Variants in SVOP observed in about 807,000 individuals in gnomAD.
SVOP encodes the protein synaptic vesicle 2-related protein.
SVOP carries 17 observed loss-of-function variants against 69.1 expected under a neutral mutation model. That is an observed-to-expected ratio of 0.25 (90% CI 0.17 to 0.37). The LOEUF is 0.37. Among genes scored for constraint, SVOP ranks in the 10% least tolerant of loss-of-function variants. The pLI, the probability that SVOP is intolerant of heterozygous loss-of-function variation, is 1.00. For missense variants in SVOP, 435 were observed against 597.5 expected, an observed-to-expected ratio of 0.73 and a Z score of 2.84; for synonymous variants, 238 against 238.6, an observed-to-expected ratio of 1.00 and a Z score of 0.02.
chr12:108,969,313 C>T lies in SVOP; in HGVS notation c.453+3092G>A, dbSNP rs142939591. Among the ~76,000 whole-genome samples the T allele has an allele frequency of 8.0e-3, 1,194 of 148,964 alleles. 18 individuals carry two copies. Among genetic ancestry groups the T allele is most frequent in the African/African-American group, 0.028 (1,149 of 40,378 alleles). Reference sequence around the variant, plus strand: ...CTCACTCTCTCTCCCTACCTCCTTCCTTTCTTCCTCCCCCCTCCCTTCCTA... The same window carrying T: ...CTCACTCTCTCTCCCTACCTCCTTCTTTTCTTCCTCCCCCCTCCCTTCCTA... On this transcript the variant is annotated intron_variant, in intron 5 of 15. Coordinates refer to ENST00000610966, the MANE Select transcript of SVOP (RefSeq NM_018711.5).
chr12:108,982,832 G>C (rs1263438030), intron 2 of SVOP, among the ~76,000 whole-genome samples: 1 of 38,432 alleles, frequency 2.6e-5, no homozygotes, highest in Non-Finnish European at 5.0e-5. Context: ...CATCATCACT[G>C]TCACCATCAT....
intron 6 of SVOP, among the ~76,000 whole-genome samples, chr12:108,958,612 C>T (rs930512957): frequency 1.3e-5 from 2 of 152,178 alleles, no homozygotes; most frequent in African/African-American, 4.8e-5. Flanking sequence ...CAAGTGGGTC[C>T]ACCCTGGACT....
chr12:108,927,008 G>A (rs1285017228), intron 11 of SVOP, among the ~76,000 whole-genome samples: 1 of 152,162 alleles, frequency 6.6e-6, no homozygotes. Context: ...AAGATAAAAT[G>A]TCTCTCTCCA....
chr12:108,919,627 C>T (rs755624236), intron 13 of SVOP, 48 bp downstream of exon 13: 5 of 1,481,674 alleles, frequency 3.4e-6, no homozygotes, highest in African/African-American at 2.8e-5. Context: ...CCTGCACCCA[C>T]ACCTCCACCT....
At chr12:108,940,674 A>T in intron 8 of SVOP, 110 bp downstream of exon 8, 1 of 1,437,690 alleles carries the variant, frequency 7.0e-7, no homozygotes, top group Non-Finnish European at 9.2e-7. Context: ...TTTAAAAAAA[A>T]TAATCTTGAA....
intron 9 of SVOP, among the ~76,000 whole-genome samples, chr12:108,938,083 A>G (rs2039867230): frequency 6.6e-6 from 1 of 152,344 alleles, no homozygotes; most frequent in South Asian, 2.1e-4. Flanking sequence ...CCTGGACTCT[A>G]TGTTGTCAGA....
chr12:108,964,320 C>T (rs2040033310), intron 5 of SVOP, among the ~76,000 whole-genome samples: 2 of 152,090 alleles, frequency 1.3e-5, no homozygotes, highest in African/African-American at 4.8e-5. Flanking sequence ...ACTCCTAAAT[C>T]CATGACTGTA....
intron 12 of SVOP, among the ~76,000 whole-genome samples, chr12:108,920,880 A>G (rs1407982948): frequency 6.6e-6 from 1 of 152,168 alleles, no homozygotes; most frequent in Non-Finnish European, 1.5e-5. Context: ...TACAGGCATG[A>G]GCCACCATGC....
chr12:109,005,975 G>A (rs1182033320), intron 1 of SVOP, among the ~76,000 whole-genome samples: 1 of 152,210 alleles, frequency 6.6e-6, no homozygotes, highest in Non-Finnish European at 1.5e-5. Flanking sequence ...AAGATGATCA[G>A]AGTTGAGTTT....
At chr12:108,948,690 G>A (rs2039937913) in intron 6 of SVOP, among the ~76,000 whole-genome samples, 1 of 152,034 alleles carries the variant, frequency 6.6e-6, no homozygotes, top group African/African-American at 2.4e-5. Context: ...TGAGTCAGAG[G>A]GTATGCCTGT....
At chr12:108,925,488 CA>C (rs542184588) in intron 11 of SVOP, among the ~76,000 whole-genome samples, 20 of 152,340 alleles carry the variant, frequency 1.3e-4, no homozygotes, top group Middle Eastern at 3.4e-3. Context: ...GGTCTATTTC[CA>C]ACACGTCAGT....
intron 1 of SVOP, among the ~76,000 whole-genome samples, chr12:108,986,329 G>C (rs1355426711): frequency 6.6e-6 from 1 of 152,126 alleles, no homozygotes; most frequent in Non-Finnish European, 1.5e-5. Flanking sequence ...GGTTTATCTG[G>C]CTTAAAACAC....
intron 1 of SVOP, among the ~76,000 whole-genome samples, chr12:109,017,116 G>A (rs977115048): frequency 1.1e-4 from 16 of 152,058 alleles, no homozygotes; most frequent in African/African-American, 3.6e-4. Context: ...CTGGGCCAAG[G>A]ACCCGTAACG....
In SVOP at chr12:108,964,717, G is replaced by A. The variant is rs978308903; in HGVS notation, c.454-3670C>T. Among the ~76,000 whole-genome samples the A allele has an allele frequency of 2.0e-5, 3 of 152,166 alleles. No individual in the cohort carries two copies. The South Asian group carries it at 6.2e-4, about 32-fold the overall frequency. On this transcript the variant is annotated intron_variant, in intron 5 of 15. Transcript: ENST00000610966. ...TTGGGACTCCGCAGACATGTCTCAC[G>A]GGCCTTTGGGCTTTTCATTAACTAT... is the stretch of plus-strand genomic sequence containing the variant.
intron 12 of SVOP, among the ~76,000 whole-genome samples, chr12:108,920,276 A>G (rs1363907409): frequency 1.3e-5 from 2 of 152,258 alleles, no homozygotes; most frequent in Non-Finnish European, 2.9e-5. Context: ...CTGTGAGATC[A>G]TAAGTGTGCA....
At chr12:108,932,803 C>T (rs1322288502) in intron 11 of SVOP, among the ~76,000 whole-genome samples, 1 of 152,206 alleles carries the variant, frequency 6.6e-6, no homozygotes, top group Non-Finnish European at 1.5e-5. Flanking sequence ...CAAATTCCAA[C>T]TTGACTCTAG....
At chr12:108,991,326 A>G (rs1026853710) in intron 1 of SVOP, among the ~76,000 whole-genome samples, 3 of 152,114 alleles carry the variant, frequency 2.0e-5, no homozygotes, top group South Asian at 4.1e-4. Context: ...AGAGGTCTGC[A>G]TGGTGGCTCA....
intron 11 of SVOP, among the ~76,000 whole-genome samples, chr12:108,928,814 C>T (rs1323529526): frequency 6.6e-6 from 1 of 151,994 alleles, no homozygotes; most frequent in Non-Finnish European, 1.5e-5. Flanking sequence ...GCAATCTGCC[C>T]GCGTCAGCCT....
rs7138346 is a variant in SVOP, at chr12:108,929,688, C to A, written c.1048+4507G>T. On this transcript the variant is annotated intron_variant, in intron 11 of 15. Coordinates refer to ENST00000610966, the MANE Select transcript of SVOP (RefSeq NM_018711.5). ...GTAATTTTCCATCCACTGACTCCCCCACCCTGCTCCCTGGCTATAAATCCC... is the reference window on the plus strand; with the variant it reads ...GTAATTTTCCATCCACTGACTCCCCAACCCTGCTCCCTGGCTATAAATCCC... Among the ~76,000 whole-genome samples, 258 of 152,000 alleles carry A rather than the reference C, an allele frequency of 1.7e-3. 1 individual carries two copies. The highest frequency in any genetic ancestry group is 5.5e-3 in the African/African-American group (228 of 41,420).
Sources: gnomAD v4.1 joint callset for allele counts (sites outside exome capture counted in the v4.1 genomes callset) on GRCh38, gnomAD v4.1.1 for gene constraint, MANE v1.5 for transcripts, NCBI Gene and HGNC (gene_info 2026-07-23, HGNC 2026-07-21) for gene names.